CSMD3: variants seen among roughly 807,000 people sequenced by gnomAD.
CSMD3 encodes CUB and Sushi multiple domains 3.
A neutral mutation model predicts 435.2 loss-of-function variants in CSMD3; 177 were observed. That is an observed-to-expected ratio of 0.41 (90% CI 0.36 to 0.46). The LOEUF (loss-of-function observed/expected upper bound fraction) is 0.46. CSMD3 is among the 20% of genes least tolerant of loss of function. The probability of loss-of-function intolerance (pLI) is 0.34; values close to 1 mark genes in which losing one functional copy is unlikely to be tolerated. For synonymous variants in CSMD3, 1,656 were observed against 1,520.5 expected, an observed-to-expected ratio of 1.09 and a Z score of -2.07; for missense variants, 4,265 against 4,504.6, an observed-to-expected ratio of 0.95 and a Z score of 1.52.
At chr8:112,751,074 T>TAA (rs11287730) in intron 13 of CSMD3, among the ~76,000 whole-genome samples, 1 of 150,116 alleles carries the variant, frequency 6.7e-6, no homozygotes, top group Non-Finnish European at 1.5e-5. Flanking sequence ...AGCTTTGTAT[T>TAA]AAAAAAAAAA....
intron 3 of CSMD3, among the ~76,000 whole-genome samples, chr8:113,200,670 T>A (rs567118119): frequency 6.6e-6 from 1 of 151,192 alleles, no homozygotes; most frequent in Middle Eastern, 3.4e-3. Flanking sequence ...AGTGTAGAAA[T>A]AGATTTGCTT....
At chr8:112,971,488 T>C (rs943468832) in intron 7 of CSMD3, among the ~76,000 whole-genome samples, 1 of 152,168 alleles carries the variant, frequency 6.6e-6, no homozygotes, top group Non-Finnish European at 1.5e-5. Context: ...CCTAAGAGTT[T>C]ATGGCACTTC....
chr8:113,223,638 T>TA (rs2092994467), intron 3 of CSMD3, among the ~76,000 whole-genome samples: 1 of 148,908 alleles, frequency 6.7e-6, no homozygotes, highest in African/African-American at 2.4e-5. Flanking sequence ...TATATATATA[T>TA]TTATCTTAAA....
chr8:112,733,200 G>C (rs1448419322), intron 13 of CSMD3, among the ~76,000 whole-genome samples: 1 of 151,940 alleles, frequency 6.6e-6, no homozygotes, highest in Non-Finnish European at 1.5e-5. Context: ...ATCATGACTG[G>C]CTTCCCCCTT....
chr8:113,014,045 C>G (rs1190730687), intron 6 of CSMD3, among the ~76,000 whole-genome samples: 2 of 152,100 alleles, frequency 1.3e-5, no homozygotes, highest in African/African-American at 2.4e-5. Flanking sequence ...ATCCCAGTAG[C>G]TAGCCACTTA....
chr8:113,074,334 A>C (rs2131419257), intron 5 of CSMD3, among the ~76,000 whole-genome samples: 1 of 151,996 alleles, frequency 6.6e-6, no homozygotes, highest in East Asian at 1.9e-4. Flanking sequence ...TTGTCTTTCT[A>C]AAAAAGAAAA....
At chr8:112,256,016 C>T (rs551046014) in intron 61 of CSMD3, 22 of 152,556 alleles carry the variant, frequency 1.4e-4, no homozygotes, top group Middle Eastern at 3.4e-3. Flanking sequence ...TCTAAATCTA[C>T]GCAAAACTAT....
chr8:113,415,538 A>G (rs2094578332), intron 1 of CSMD3, among the ~76,000 whole-genome samples: 1 of 152,206 alleles, frequency 6.6e-6, no homozygotes, highest in South Asian at 2.1e-4. Flanking sequence ...AGGTTTTCAG[A>G]TGCTGTAAAA....
In CSMD3 at chr8:112,335,419, A is replaced by G. The variant is rs1486774313; in HGVS notation, c.7075T>C (p.Leu2359=). The G allele has an allele frequency of 6.2e-7, 1 of 1,613,984 alleles. No individual in the cohort carries two copies. Among genetic ancestry groups the G allele is most frequent in the African/African-American group, 1.3e-5 (1 of 75,056 alleles). The change falls in exon 45 of 71, where the codon TTG becomes CTG. Residue 2359 remains leucine (L), a synonymous_variant. Coordinates refer to ENST00000297405, the MANE Select transcript of CSMD3 (RefSeq NM_198123.2). The stretch of plus-strand genomic sequence containing the variant: ...TTTGAAGTACTGTAGACTGATTCCA[A>G]AGCGGTATTGCCACTGAACTGACCG... ...QIGQFSGNTA[L]ESVYSTSNQI... is the part of the protein sequence containing the mutation.
intron 24 of CSMD3, among the ~76,000 whole-genome samples, chr8:112,565,418 G>A (rs187094134): frequency 1.4e-4 from 22 of 152,146 alleles, no homozygotes; most frequent in Admixed American, 1.1e-3. Context: ...CTAAATTAAA[G>A]ACTAATTTAT....
chr8:112,810,455 G>T (rs2079194727), intron 12 of CSMD3, among the ~76,000 whole-genome samples: 1 of 152,092 alleles, frequency 6.6e-6, no homozygotes, highest in African/African-American at 2.4e-5. Flanking sequence ...TGGGACACAA[G>T]TCTCTCCAGT....
At chr8:112,834,605 T>A (rs1294072843) in intron 11 of CSMD3, among the ~76,000 whole-genome samples, 1 of 151,716 alleles carries the variant, frequency 6.6e-6, no homozygotes, top group East Asian at 1.9e-4. Flanking sequence ...AGGAGTCTGA[T>A]GTAAAATTTT....
At chr8:113,031,121 T>C (rs1390054452) in intron 5 of CSMD3, among the ~76,000 whole-genome samples, 1 of 151,664 alleles carries the variant, frequency 6.6e-6, no homozygotes, top group Non-Finnish European at 1.5e-5. Context: ...TGCCATGCAA[T>C]TCTGAAATTG....
intron 4 of CSMD3, among the ~76,000 whole-genome samples, chr8:113,144,766 G>A (rs2091633287): frequency 6.6e-6 from 1 of 151,522 alleles, no homozygotes; most frequent in Non-Finnish European, 1.5e-5. Context: ...AAGAGACTAT[G>A]TGTAAGGCCC....
intron 35 of CSMD3, among the ~76,000 whole-genome samples, chr8:112,402,921 A>G (rs893732558): frequency 3.9e-5 from 6 of 152,306 alleles, no homozygotes; most frequent in African/African-American, 1.2e-4. Flanking sequence ...TTTCATGAGT[A>G]TGAAGTCAAT....
chr8:113,222,854 T>G (rs936460058), intron 3 of CSMD3, among the ~76,000 whole-genome samples: 1 of 151,094 alleles, frequency 6.6e-6, no homozygotes, highest in African/African-American at 2.4e-5. Context: ...TTTTGTTCGA[T>G]GTTAATTCCT....
intron 4 of CSMD3, among the ~76,000 whole-genome samples, chr8:113,134,493 T>C (rs1326185568): frequency 6.6e-6 from 1 of 151,978 alleles, no homozygotes; most frequent in Non-Finnish European, 1.5e-5. Context: ...AAGGATTTGG[T>C]TTAGAAAAGC....
chr8:113,062,701 TTTTG>T (rs1216856163), intron 5 of CSMD3, among the ~76,000 whole-genome samples: 3 of 151,814 alleles, frequency 2.0e-5, no homozygotes, highest in South Asian at 2.1e-4. Flanking sequence ...AAATGCTCCC[TTTTG>T]TTTGACAAAA....
intron 6 of CSMD3, among the ~76,000 whole-genome samples, chr8:112,983,116 T>A (rs2085113997): frequency 6.6e-6 from 1 of 151,968 alleles, no homozygotes; most frequent in African/African-American, 2.4e-5. Context: ...ATAGTATTTG[T>A]TTATTTTGAA....
Sources: gnomAD v4.1 joint callset for allele counts (sites outside exome capture counted in the v4.1 genomes callset) on GRCh38, gnomAD v4.1.1 for gene constraint, MANE v1.5 for transcripts, NCBI Gene and HGNC (gene_info 2026-07-23, HGNC 2026-07-21) for gene names.